Variants in HSD17B2 observed in about 807,000 individuals in gnomAD.
HSD17B2 encodes hydroxysteroid 17-beta dehydrogenase 2.
HSD17B2 carries 32 observed loss-of-function variants against 26.9 expected under a neutral mutation model. That is an observed-to-expected ratio of 1.19 (90% CI 0.90 to 1.60). The LOEUF (loss-of-function observed/expected upper bound fraction) is 1.60, where lower values mean the gene tolerates loss of function less well. HSD17B2 is among the 40% of genes most tolerant of loss of function. HSD17B2 has a pLI of 0.00. For missense variants in HSD17B2, 613 were observed against 468.6 expected, an observed-to-expected ratio of 1.31 and a Z score of -2.85; for synonymous variants, 246 against 186.7, an observed-to-expected ratio of 1.32 and a Z score of -2.59.
At position 82,090,159 on chromosome 16, in the gene HSD17B2, T is replaced by C. The variant is rs573859517; in HGVS notation, c.665-743T>C. Reference sequence around the variant, plus strand: ...CAAGTATTGAGCACAATCTGTTCGATTACAGGTGCTGTAGTGGGTTGAATA... The same window carrying C: ...CAAGTATTGAGCACAATCTGTTCGACTACAGGTGCTGTAGTGGGTTGAATA... On this transcript the variant is annotated intron_variant, in intron 3 of 4. Transcript: ENST00000199936. 3 of 911,382 alleles carry C rather than the reference T, an allele frequency of 3.3e-6. No individual in the cohort carries two copies. The African/African-American group carries it at 5.4e-5, about 16-fold the overall frequency. 56.5% of individuals were successfully genotyped at this position (911,382 alleles called of 1,614,324 possible). A position where few individuals can be genotyped will look rare whatever the true frequency, so the allele number is the denominator to read the frequency against.
Position 82,035,505 on chromosome 16 carries a change from C to G in HSD17B2, c.81C>G (p.Tyr27Ter). 6.2e-7 allele frequency: 1 copy of G among 1,614,138 alleles called. No individual in the cohort carries two copies. Among genetic ancestry groups the G allele is most frequent in the Non-Finnish European group, 8.5e-7 (1 of 1,180,028 alleles). Residue 27 changes from tyrosine (Y) to a stop codon, truncating the protein, a stop_gained, in exon 1 of 5, where the codon TAC (tyrosine) becomes TAG (stop). Transcript: ENST00000199936. LOFTEE classifies it high-confidence loss of function. ...TATGTGGGACAGTATTTTGCAAATACAAGAAGAGCTCAGGGCAGCTGTGGA... is the reference window on the plus strand; with the variant it reads ...TATGTGGGACAGTATTTTGCAAATAGAAGAAGAGCTCAGGGCAGCTGTGGA... The part of the protein sequence containing the change: ...TVLCGTVFCK[Y>*]KKSSGQLWSW...
chr16:82,092,949 C>G (rs186696502), intron 4 of HSD17B2: 1 of 152,112 alleles, frequency 6.6e-6, no homozygotes, highest in East Asian at 1.9e-4. Flanking sequence ...TCCATTTAGA[C>G]GAGAGAGCAA....
chr16:82,059,244 C>T (rs1287865540), intron 1 of HSD17B2, among the ~76,000 whole-genome samples: 1 of 152,198 alleles, frequency 6.6e-6, no homozygotes, highest in Non-Finnish European at 1.5e-5. Context: ...TCAGCCTTGG[C>T]ACTGTTGATA....
chr16:82,072,802 C>T (rs1914727133), intron 3 of HSD17B2, among the ~76,000 whole-genome samples: 1 of 152,170 alleles, frequency 6.6e-6, no homozygotes, highest in Non-Finnish European at 1.5e-5. Context: ...AAGGATGTAA[C>T]TCCAGCACTT....
rs113108727 is a variant in HSD17B2 at position 82,058,508 on chromosome 16, G to C, written c.266-9662G>C. Among the ~76,000 whole-genome samples, 1,227 of 152,154 alleles carry C rather than the reference G, an allele frequency of 8.1e-3. 17 individuals are homozygous for C. The highest frequency in any genetic ancestry group is 0.028 in the African/African-American group (1,171 of 41,514). ...TTAAAAAATGTGCATCTTACCTTAG[G>C]TTGCAAGCATAAAGTGAGATAACAT... On this transcript the variant is annotated intron_variant, in intron 1 of 4. Coordinates refer to ENST00000199936, the MANE Select transcript of HSD17B2 (RefSeq NM_002153.3).
chr16:82,062,718 A>C (rs975720657), intron 1 of HSD17B2, among the ~76,000 whole-genome samples: 1 of 152,240 alleles, frequency 6.6e-6, no homozygotes, highest in Non-Finnish European at 1.5e-5. Flanking sequence ...GAACTTGGTA[A>C]ACATGCAATC....
chr16:82,070,237 C>A (rs1208113773), intron 2 of HSD17B2, among the ~76,000 whole-genome samples: 1 of 152,180 alleles, frequency 6.6e-6, no homozygotes, highest in Non-Finnish European at 1.5e-5. Flanking sequence ...AAGCCAGCAA[C>A]CTGCGGGTCA....
intron 1 of HSD17B2, among the ~76,000 whole-genome samples, chr16:82,050,924 T>A (rs929785027): frequency 1.3e-5 from 2 of 152,214 alleles, no homozygotes; most frequent in African/African-American, 4.8e-5. Flanking sequence ...ACTCACTGGA[T>A]GACACAATAA....
In HSD17B2 at chr16:82,098,486, G is replaced by C. The variant is rs1237150124; in HGVS notation, c.*50G>C. 6.6e-7 allele frequency: 1 copy of C among 1,509,352 alleles called. No homozygotes were observed. The highest frequency in any genetic ancestry group is 2.2e-5 in the Admixed American group (1 of 44,586). 93.5% of individuals were successfully genotyped at this position (1,509,352 alleles called of 1,614,324 possible). On this transcript the variant is annotated 3_prime_UTR_variant, in exon 5 of 5. Coordinates refer to ENST00000199936, the MANE Select transcript of HSD17B2 (RefSeq NM_002153.3). ...GGAATGTCATAGTCTTGAAATGAAA[G>C]GGAAACTGGGAAACTGGGTTTCTCA... is the stretch of plus-strand genomic sequence containing the variant.
chr16:82,035,256 C>T lies in HSD17B2; in HGVS notation c.-169C>T. On this transcript the variant is annotated 5_prime_UTR_variant, in exon 1 of 5. Coordinates refer to ENST00000199936, the MANE Select transcript of HSD17B2 (RefSeq NM_002153.3). ...GAAGTGCACACTGGTTTAAATTACC[C>T]ACTGGGAATATGATTATGCTTAATC... The T allele has an allele frequency of 1.6e-6, 1 of 613,846 alleles. No individual in the cohort carries two copies. Among genetic ancestry groups the T allele is most frequent in the Non-Finnish European group, 2.8e-6 (1 of 353,410 alleles). 38.0% of individuals were successfully genotyped at this position (613,846 alleles called of 1,614,324 possible).
intron 1 of HSD17B2, among the ~76,000 whole-genome samples, chr16:82,056,894 T>A (rs185313415): frequency 7.7e-4 from 118 of 152,332 alleles, no homozygotes; most frequent in African/African-American, 2.8e-3. Context: ...GGCTGGAAAC[T>A]TTTTATATTC....
chr16:82,050,802 CTTTTGTTTTGT>C (rs1914084099), intron 1 of HSD17B2, among the ~76,000 whole-genome samples: 1 of 152,112 alleles, frequency 6.6e-6, no homozygotes, highest in Non-Finnish European at 1.5e-5. Flanking sequence ...TGTAGTCATG[CTTTTGTTTTGT>C]TTTTGTTTTT....
chr16:82,060,789 G>A (rs986600742), intron 1 of HSD17B2, among the ~76,000 whole-genome samples: 2 of 152,146 alleles, frequency 1.3e-5, no homozygotes, highest in African/African-American at 4.8e-5. Context: ...GGGAGCACTC[G>A]GAGGAGCTTT....
At chr16:82,048,957 G>C (rs1422167171) in intron 1 of HSD17B2, among the ~76,000 whole-genome samples, 1 of 152,128 alleles carries the variant, frequency 6.6e-6, no homozygotes, top group African/African-American at 2.4e-5. Context: ...AGAAGACAAA[G>C]GACAATAAAG....
intron 1 of HSD17B2, among the ~76,000 whole-genome samples, chr16:82,040,829 C>A (rs1159661853): frequency 1.3e-5 from 2 of 152,114 alleles, no homozygotes; most frequent in Non-Finnish European, 2.9e-5. Flanking sequence ...TGAAGTGTCA[C>A]TGGAAATTGG....
Position 82,098,277 on chromosome 16 carries a change from T to C in HSD17B2, c.1005T>C (p.Phe335=), listed in dbSNP as rs756940760. 6.2e-7 allele frequency: 1 copy of C among 1,614,222 alleles called. No homozygotes were observed. ...ATGCTATCTTGGCGAAGAGCCCTTT[T>C]GCCTATTACACGCCAGGGAAAGGCG... The part of the protein sequence containing the change: ...IQHAILAKSP[F]AYYTPGKGAY... The change falls in exon 5 of 5, where the codon TTT becomes TTC. Residue 335 remains phenylalanine (F), a synonymous_variant. Transcript: ENST00000199936.
chr16:82,047,158 G>A (rs1913957084), intron 1 of HSD17B2, among the ~76,000 whole-genome samples: 2 of 152,178 alleles, frequency 1.3e-5, no homozygotes, highest in Admixed American at 1.3e-4. Context: ...CATTAGCAGG[G>A]GTGGCACTTC....
At chr16:82,043,545 G>T (rs1337153633) in intron 1 of HSD17B2, among the ~76,000 whole-genome samples, 1 of 142,034 alleles carries the variant, frequency 7.0e-6, no homozygotes, top group Non-Finnish European at 1.5e-5. Context: ...TCAGCCGGGC[G>T]CCGTGGCAGG....
At chr16:82,065,758 C>T (rs568986130) in intron 1 of HSD17B2, among the ~76,000 whole-genome samples, 1 of 152,320 alleles carries the variant, frequency 6.6e-6, no homozygotes, top group African/African-American at 2.4e-5. Flanking sequence ...GTGGCTGGTC[C>T]AGTACGACAG....
Sources: gnomAD v4.1 joint callset for allele counts (sites outside exome capture counted in the v4.1 genomes callset) on GRCh38, gnomAD v4.1.1 for gene constraint, MANE v1.5 for transcripts, NCBI Gene and HGNC (gene_info 2026-07-23, HGNC 2026-07-21) for gene names.